MDGA2: variants seen among roughly 807,000 people sequenced by gnomAD.
MDGA2 encodes MAM domain-containing glycosylphosphatidylinositol anchor protein 2.
Under a neutral mutation model 117.8 loss-of-function variants are expected in MDGA2, and 40 were observed. The observed-to-expected ratio is 0.34, with a 90% CI of 0.26 to 0.44. MDGA2 has a LOEUF of 0.44. Ranked by LOEUF, MDGA2 falls within the 20% of genes least tolerant of loss-of-function variation. MDGA2 has a pLI of 1.00. For synonymous variants in MDGA2, 452 were observed against 439.0 expected (o/e 1.03, Z -0.37); for missense variants, 1,123 against 1,250.6 (o/e 0.90, Z 1.54).
intron 2 of MDGA2, among the ~76,000 whole-genome samples, chr14:47,222,541 T>A (rs1368829335): frequency 6.6e-6 from 1 of 152,100 alleles, no homozygotes; most frequent in South Asian, 2.1e-4. Flanking sequence ...TTCTTGATAG[T>A]GCAACTTTTT....
chr14:47,452,183 C>T (rs1893255750), intron 1 of MDGA2, among the ~76,000 whole-genome samples: 1 of 151,976 alleles, frequency 6.6e-6, no homozygotes, highest in South Asian at 2.1e-4. Flanking sequence ...AGTGCCCTCC[C>T]CCACCACACA....
chr14:47,156,800 T>C (rs921211846), intron 3 of MDGA2, among the ~76,000 whole-genome samples: 4 of 152,206 alleles, frequency 2.6e-5, no homozygotes, highest in African/African-American at 7.2e-5. Context: ...TGTGGTTCCT[T>C]AAGGAAAATA....
intron 1 of MDGA2, among the ~76,000 whole-genome samples, chr14:47,593,959 CAG>C (rs1202141530): frequency 1.3e-5 from 2 of 152,072 alleles, no homozygotes; most frequent in Admixed American, 1.3e-4. Flanking sequence ...ATATTTCTTG[CAG>C]AGAGATTTGT....
At chr14:47,294,103 C>CTTTTTT (rs35698427) in intron 2 of MDGA2, among the ~76,000 whole-genome samples, 2 of 99,140 alleles carry the variant, frequency 2.0e-5, no homozygotes, top group African/African-American at 4.1e-5. Context: ...ATATGGCAAT[C>CTTTTTT]TTTTTTTTTT....
chr14:47,007,398 GCTGTAGGGTTTCATGCAT>G, intron 8 of MDGA2, among the ~76,000 whole-genome samples: 2 of 151,828 alleles, frequency 1.3e-5, no homozygotes, highest in African/African-American at 4.8e-5. Context: ...TGATATGTTT[GCTGTAGGGTTTCATGCAT>G]CTGGTAAGTG....
rs7152762 is a variant in MDGA2 at position 46,982,810 on chromosome 14, C to A, written c.1820-25167G>T. Among the ~76,000 whole-genome samples, 786 of 151,530 alleles carry A rather than the reference C, an allele frequency of 5.2e-3. 8 individuals are homozygous for A. The highest frequency in any genetic ancestry group is 0.018 in the African/African-American group (751 of 41,312). On this transcript the variant is annotated intron_variant, in intron 8 of 16. Transcript: ENST00000399232. ...GAATACCCTTTATTTCCTTCTCCTG[C>A]CTGATTGCCCTGGCCAGAACTTCCA...
intron 1 of MDGA2, among the ~76,000 whole-genome samples, chr14:47,503,731 C>T (rs1386334918): frequency 2.0e-5 from 3 of 152,110 alleles, no homozygotes; most frequent in Admixed American, 6.6e-5. Context: ...TTTACCCTTG[C>T]TTCTTATCCC....
chr14:46,848,342 C>T (rs1157100611), intron 15 of MDGA2, among the ~76,000 whole-genome samples: 2 of 151,914 alleles, frequency 1.3e-5, no homozygotes. Flanking sequence ...ATTGCTTTCA[C>T]TTAGTAAGTT....
chr14:47,454,143 C>A (rs1015464656), intron 1 of MDGA2, among the ~76,000 whole-genome samples: 2 of 152,020 alleles, frequency 1.3e-5, no homozygotes, highest in African/African-American at 4.8e-5. Context: ...ATAAATGTAG[C>A]CTCTTTGTTC....
Position 47,535,558 on chromosome 14 carries a change from C to T in MDGA2, c.280+138959G>A, listed in dbSNP as rs527501059. Among the ~76,000 whole-genome samples, 489 of 152,204 alleles carry T rather than the reference C, an allele frequency of 3.2e-3. 3 individuals are homozygous for T. The highest frequency in any genetic ancestry group is 0.014 in the Middle Eastern group (4 of 294). Reference sequence around the variant, plus strand: ...TTAGTCAGCTCTGTGTTAGAAAGGACGTGGAAGAAGTGGCTCTGAGTCGGG... The same window carrying T: ...TTAGTCAGCTCTGTGTTAGAAAGGATGTGGAAGAAGTGGCTCTGAGTCGGG... On this transcript the variant is annotated intron_variant, in intron 1 of 16. Coordinates refer to ENST00000399232, the MANE Select transcript of MDGA2 (RefSeq NM_001113498.3).
intron 2 of MDGA2, among the ~76,000 whole-genome samples, chr14:47,247,924 T>C (rs1029859920): frequency 1.6e-4 from 25 of 151,528 alleles, no homozygotes; most frequent in Non-Finnish European, 2.4e-4. Context: ...GTTAGTTTGC[T>C]GAGAATGATG....
chr14:47,639,363 ACT>A (rs1327972588), intron 1 of MDGA2, among the ~76,000 whole-genome samples: 5 of 151,404 alleles, frequency 3.3e-5, no homozygotes, highest in Non-Finnish European at 7.4e-5. Context: ...TCTCTGAAAA[ACT>A]CTGTCCCAGA....
chr14:46,916,869 A>G (rs1883920411), intron 10 of MDGA2, among the ~76,000 whole-genome samples: 1 of 152,236 alleles, frequency 6.6e-6, no homozygotes, highest in Non-Finnish European at 1.5e-5. Context: ...ATTTCTAAAT[A>G]TAAAAGAAAA....
intron 8 of MDGA2, among the ~76,000 whole-genome samples, chr14:46,977,262 A>G (rs945748408): frequency 1.3e-5 from 2 of 151,780 alleles, no homozygotes; most frequent in African/African-American, 4.8e-5. Context: ...TTCACTAGTC[A>G]TTCTAGGATT....
chr14:47,161,678 C>T (rs915309968), intron 3 of MDGA2, among the ~76,000 whole-genome samples: 12 of 151,540 alleles, frequency 7.9e-5, no homozygotes, highest in Non-Finnish European at 1.5e-4. Flanking sequence ...ATTTTAGATG[C>T]CCTTCAGGGC....
At chr14:47,297,223 G>C (rs1005933420) in intron 2 of MDGA2, among the ~76,000 whole-genome samples, 1 of 151,986 alleles carries the variant, frequency 6.6e-6, no homozygotes, top group East Asian at 1.9e-4. Flanking sequence ...TGCAACGAAC[G>C]AGAACTGAAA....
chr14:47,563,329 T>A (rs186251201), intron 1 of MDGA2, among the ~76,000 whole-genome samples: 1 of 152,242 alleles, frequency 6.6e-6, no homozygotes, highest in Non-Finnish European at 1.5e-5. Context: ...ATACTGTCAA[T>A]GGGCATGCTG....
rs189531664 is a variant in MDGA2, at chr14:47,490,504, T to G, written c.280+184013A>C. ...TTGAGGACTAAATGAAGATTCATTT[T>G]GAAATCAAATCAGGTGGTGTAGTCT... On this transcript the variant is annotated intron_variant, in intron 1 of 16. Transcript: ENST00000399232. Among the ~76,000 whole-genome samples, 659 of 152,228 alleles carry G rather than the reference T, an allele frequency of 4.3e-3. 1 individual carries two copies. Among genetic ancestry groups the G allele is most frequent in the Non-Finnish European group, 7.2e-3 (491 of 67,972 alleles).
At chr14:46,939,143 G>T (rs1233973770) in intron 9 of MDGA2, among the ~76,000 whole-genome samples, 3 of 152,076 alleles carry the variant, frequency 2.0e-5, no homozygotes, top group African/African-American at 7.2e-5. Flanking sequence ...AATAGGGCAA[G>T]ATTTTTGAGA....
Sources: allele counts gnomAD v4.1 joint callset (sites outside exome capture counted in the v4.1 genomes callset), GRCh38; gene constraint gnomAD v4.1.1; transcripts MANE v1.5; gene names NCBI Gene and HGNC (gene_info 2026-07-23, HGNC 2026-07-21).